Variants in SPOPL observed in about 807,000 individuals in gnomAD.
The protein encoded by SPOPL is speckle type BTB/POZ protein like, also known as speckle-type POZ protein-like.
Under a neutral mutation model 53.8 loss-of-function variants are expected in SPOPL, and 23 were observed. That is an observed-to-expected ratio of 0.43 (90% CI 0.31 to 0.61). The LOEUF (loss-of-function observed/expected upper bound fraction) is 0.61, where lower values mean the gene tolerates loss of function less well. Ranked by LOEUF, SPOPL falls within the 20% of genes least tolerant of loss-of-function variation. SPOPL has a pLI of 0.12. For synonymous variants in SPOPL, 164 were observed against 149.7 expected, an observed-to-expected ratio of 1.10 and a Z score of -0.70; for missense variants, 442 against 466.9, an observed-to-expected ratio of 0.95 and a Z score of 0.49.
intron 1 of SPOPL, among the ~76,000 whole-genome samples, chr2:138,532,423 T>C (rs1401514943): frequency 1.1e-5 from 1 of 91,030 alleles, no homozygotes; most frequent in Non-Finnish European, 2.1e-5. Flanking sequence ...TTGTTCGCTT[T>C]TTTTTTTTTT....
chr2:138,546,958 TA>T (rs1322340718), intron 1 of SPOPL, among the ~76,000 whole-genome samples: 2 of 152,152 alleles, frequency 1.3e-5, no homozygotes, highest in African/African-American at 4.8e-5. Flanking sequence ...AGCTTGCTTT[TA>T]TTTTTTTTAT....
chr2:138,573,505 C>T lies in SPOPL; in HGVS notation c.*4425C>T, dbSNP rs1334089706. ...TTAATGTAACAGAGATCACCTTTTC[C>T]CTGTCATTCCTATCCTGTCTTAATT... On this transcript the variant is annotated 3_prime_UTR_variant, in exon 11 of 11. Transcript: ENST00000280098. The T allele has an allele frequency of 6.6e-6, 1 of 152,090 alleles. No individual in the cohort carries two copies. The highest frequency in any genetic ancestry group is 1.5e-5 in the Non-Finnish European group (1 of 68,008). 9.4% of individuals were successfully genotyped at this position (152,090 alleles called of 1,614,324 possible).
chr2:138,538,535 A>G (rs1184091725), intron 1 of SPOPL, among the ~76,000 whole-genome samples: 1 of 152,146 alleles, frequency 6.6e-6, no homozygotes, highest in African/African-American at 2.4e-5. Context: ...CTTCTGCATG[A>G]AATACCTTTT....
At chr2:138,551,514 A>T (rs1406154187) in intron 4 of SPOPL, among the ~76,000 whole-genome samples, 1 of 151,986 alleles carries the variant, frequency 6.6e-6, no homozygotes, top group Non-Finnish European at 1.5e-5. Flanking sequence ...CATTTTTCTT[A>T]GTTTCAGGGC....
chr2:138,510,299 G>A (rs931659167), intron 1 of SPOPL, among the ~76,000 whole-genome samples: 4 of 152,222 alleles, frequency 2.6e-5, no homozygotes, highest in African/African-American at 9.6e-5. Context: ...CCACCCAACT[G>A]TCTTTCAAAG....
chr2:138,555,511 C>T (rs1459574225), intron 5 of SPOPL, among the ~76,000 whole-genome samples: 4 of 151,954 alleles, frequency 2.6e-5, no homozygotes, highest in Non-Finnish European at 5.9e-5. Flanking sequence ...GTCTAAAACT[C>T]GCTATTCTGG....
chr2:138,546,877 T>C (rs1685207332), intron 1 of SPOPL, among the ~76,000 whole-genome samples: 3 of 152,248 alleles, frequency 2.0e-5, no homozygotes, highest in Non-Finnish European at 2.9e-5. Flanking sequence ...CTCCATACCT[T>C]TATCTTGTAA....
intron 1 of SPOPL, among the ~76,000 whole-genome samples, chr2:138,514,225 T>G (rs760437073): frequency 6.6e-5 from 10 of 152,204 alleles, no homozygotes; most frequent in Non-Finnish European, 1.0e-4. Flanking sequence ...TGGTTTGGTT[T>G]TATACATTTT....
At chr2:138,541,995 C>T (rs143847947) in intron 1 of SPOPL, among the ~76,000 whole-genome samples, 1 of 152,166 alleles carries the variant, frequency 6.6e-6, no homozygotes, top group African/African-American at 2.4e-5. Flanking sequence ...TCGTTATGTA[C>T]CCAGTAGTCA....
intron 1 of SPOPL, among the ~76,000 whole-genome samples, chr2:138,508,399 C>T (rs1450728158): frequency 6.6e-6 from 1 of 152,144 alleles, no homozygotes; most frequent in African/African-American, 2.4e-5. Flanking sequence ...GTGACGTGAT[C>T]TCAGCTCATT....
At chr2:138,564,876 G>A (rs973321344) in intron 9 of SPOPL, 26 bp downstream of exon 9, 4 of 1,613,786 alleles carry the variant, frequency 2.5e-6, no homozygotes, top group South Asian at 2.2e-5. Context: ...ATTTCAGTGG[G>A]CATGACAACT....
intron 1 of SPOPL, among the ~76,000 whole-genome samples, chr2:138,525,143 T>G (rs1478123889): frequency 6.6e-6 from 1 of 152,222 alleles, no homozygotes; most frequent in Non-Finnish European, 1.5e-5. Context: ...CAGTTCCACG[T>G]GGCTGGGGAA....
intron 1 of SPOPL, among the ~76,000 whole-genome samples, chr2:138,527,524 A>G (rs1684701585): frequency 6.6e-6 from 1 of 152,134 alleles, no homozygotes; most frequent in African/African-American, 2.4e-5. Context: ...TTTATTTTTA[A>G]TCAAGAAGTC....
At chr2:138,557,336 G>A (rs747955383) in intron 5 of SPOPL, among the ~76,000 whole-genome samples, 18 of 152,082 alleles carry the variant, frequency 1.2e-4, no homozygotes, top group Non-Finnish European at 1.8e-4. Flanking sequence ...AGGTTAATAC[G>A]TAAATTGAGG....
chr2:138,547,686 AAAT>A (rs1158521689), intron 1 of SPOPL, among the ~76,000 whole-genome samples: 41 of 152,296 alleles, frequency 2.7e-4, no homozygotes, highest in African/African-American at 8.7e-4. Context: ...GAATAAATAA[AAAT>A]AAGAAAAAAA....
intron 1 of SPOPL, among the ~76,000 whole-genome samples, chr2:138,531,725 G>A (rs1158028306): frequency 7.2e-5 from 11 of 151,786 alleles, no homozygotes; most frequent in African/African-American, 2.7e-4. Context: ...TTGTTTTCCA[G>A]TTCTAGAATT....
At chr2:138,541,675 T>C (rs1400158241) in intron 1 of SPOPL, among the ~76,000 whole-genome samples, 2 of 152,210 alleles carry the variant, frequency 1.3e-5, no homozygotes, top group Non-Finnish European at 2.9e-5. Flanking sequence ...GTTGATCTTT[T>C]CAAAAAACCA....
intron 8 of SPOPL, 189 bp from the exon 9 acceptor site, chr2:138,564,519 A>C (rs1297926875): frequency 1.2e-5 from 7 of 607,182 alleles, no homozygotes; most frequent in Non-Finnish European, 1.8e-5. Flanking sequence ...CCTAAAGAAA[A>C]TTAGTCTTTC....
chr2:138,541,826 A>G (rs1006397886), intron 1 of SPOPL, among the ~76,000 whole-genome samples: 4 of 151,906 alleles, frequency 2.6e-5, no homozygotes, highest in African/African-American at 4.8e-5. Flanking sequence ...TAATTGTGAT[A>G]TTAGTGTGTC....
Sources: allele counts gnomAD v4.1 joint callset (sites outside exome capture counted in the v4.1 genomes callset), GRCh38; gene constraint gnomAD v4.1.1; transcripts MANE v1.5; gene names NCBI Gene and HGNC (gene_info 2026-07-23, HGNC 2026-07-21).